PTPRD: variants seen among roughly 807,000 people sequenced by gnomAD.
PTPRD encodes the protein protein tyrosine phosphatase receptor type D.
A neutral mutation model predicts 214.5 loss-of-function variants in PTPRD; 34 were observed. That is an observed-to-expected ratio of 0.16 (90% CI 0.12 to 0.21). PTPRD has a LOEUF of 0.21. Among genes scored for constraint, PTPRD ranks in the 10% least tolerant of loss-of-function variants. The pLI, the probability that PTPRD is intolerant of heterozygous loss-of-function variation, is 1.00. For missense variants in PTPRD, 2,545 were observed against 2,398.7 expected (o/e 1.06, Z -1.27); for synonymous variants, 1,128 against 845.7 (o/e 1.33, Z -5.79).
In PTPRD at chr9:10,584,351, A is replaced by G. The variant is rs570543294; in HGVS notation, c.-600+28047T>C. Among the ~76,000 whole-genome samples, 10 of 152,340 alleles carry G rather than the reference A, an allele frequency of 6.6e-5. No homozygotes were observed. The South Asian group carries it at 2.1e-3, about 32-fold the overall frequency. On this transcript the variant is annotated intron_variant, in intron 2 of 45. Coordinates refer to ENST00000381196, the MANE Select transcript of PTPRD (RefSeq NM_002839.4). ...GAGATGCACTTGTACAACACAGAAG[A>G]TAAACAGAATTATTTCTGACAATGG...
intron 3 of PTPRD, among the ~76,000 whole-genome samples, chr9:10,108,729 T>C (rs1184288758): frequency 6.6e-6 from 1 of 152,032 alleles, no homozygotes; most frequent in African/African-American, 2.4e-5. Flanking sequence ...TGTATATCAG[T>C]GAATGAATGG....
chr9:8,688,392 C>T (rs1488217476), intron 12 of PTPRD, among the ~76,000 whole-genome samples: 1 of 151,788 alleles, frequency 6.6e-6, no homozygotes, highest in Non-Finnish European at 1.5e-5. Flanking sequence ...TGGTGAAACC[C>T]CGTCTCTACT....
intron 5 of PTPRD, among the ~76,000 whole-genome samples, chr9:9,794,883 G>A (rs1377405373): frequency 6.6e-6 from 1 of 152,178 alleles, no homozygotes; most frequent in Non-Finnish European, 1.5e-5. Context: ...ATAAATTGAA[G>A]GGAAGAGAAC....
intron 3 of PTPRD, among the ~76,000 whole-genome samples, chr9:10,048,832 C>T (rs997966808): frequency 1.3e-5 from 2 of 151,922 alleles, no homozygotes; most frequent in Non-Finnish European, 2.9e-5. Flanking sequence ...TTCATAGTAA[C>T]TTAAATGGTA....
In PTPRD at chr9:8,474,338, C is replaced by T. The variant is rs141782284; in HGVS notation, c.3414-3253G>A. On this transcript the variant is annotated intron_variant, in intron 30 of 45. Coordinates refer to ENST00000381196, the MANE Select transcript of PTPRD (RefSeq NM_002839.4). ...GGGGTTCATGGCCTTCTTTTTTCTC[C>T]AAACTCTGTCATCATCCTGGGTGAT... is the stretch of plus-strand genomic sequence containing the variant. 5.1e-3 allele frequency among the ~76,000 whole-genome samples: 780 copies of T among 152,132 alleles called. 4 individuals carry two copies. The highest frequency in any genetic ancestry group is 8.5e-3 in the Non-Finnish European group (578 of 67,994).
At chr9:10,472,943 T>C (rs1402914040) in intron 2 of PTPRD, among the ~76,000 whole-genome samples, 1 of 152,018 alleles carries the variant, frequency 6.6e-6, no homozygotes, top group African/African-American at 2.4e-5. Flanking sequence ...AGAGATTATA[T>C]TGCATATAAA....
At chr9:8,987,707 GCAC>G (rs2099351253) in intron 11 of PTPRD, among the ~76,000 whole-genome samples, 2 of 152,078 alleles carry the variant, frequency 1.3e-5, no homozygotes, top group South Asian at 2.1e-4. Flanking sequence ...AACACGGGTA[GCAC>G]CACATCAGCC....
chr9:8,835,590 C>A lies in PTPRD; in HGVS notation c.-103-101644G>T, dbSNP rs2097401045. On this transcript the variant is annotated intron_variant, in intron 11 of 45. Coordinates refer to ENST00000381196, the MANE Select transcript of PTPRD (RefSeq NM_002839.4). ...TGTCACTCAAGCTGGAGTGCAGTGG[C>A]ACAATCATGGTTCACTGCAGCCTCA... Among the ~76,000 whole-genome samples the A allele has an allele frequency of 2.6e-5, 4 of 152,296 alleles. No homozygotes were observed. The South Asian group carries it at 8.3e-4, about 32-fold the overall frequency.
At chr9:9,159,151 C>T (rs2099884054) in intron 10 of PTPRD, among the ~76,000 whole-genome samples, 1 of 152,080 alleles carries the variant, frequency 6.6e-6, no homozygotes, top group African/African-American at 2.4e-5. Context: ...AGGGACAAGA[C>T]AAGAATGCCA....
At chr9:8,726,429 A>T (rs2098558386) in intron 12 of PTPRD, among the ~76,000 whole-genome samples, 2 of 150,576 alleles carry the variant, frequency 1.3e-5, no homozygotes, top group Admixed American at 6.6e-5. Context: ...TCTACAAAAA[A>T]ATATAAAAAT....
intron 7 of PTPRD, among the ~76,000 whole-genome samples, chr9:9,685,324 C>T (rs922410368): frequency 2.0e-5 from 3 of 150,586 alleles, no homozygotes; most frequent in African/African-American, 4.9e-5. Flanking sequence ...AAATGGAATC[C>T]ACATATATGC....
intron 4 of PTPRD, among the ~76,000 whole-genome samples, chr9:9,949,862 A>T (rs1443263648): frequency 6.6e-6 from 1 of 152,174 alleles, no homozygotes; most frequent in Non-Finnish European, 1.5e-5. Flanking sequence ...TGAATCTTTG[A>T]TGACCGCATT....
chr9:8,717,255 G>C (rs192512237), intron 12 of PTPRD, among the ~76,000 whole-genome samples: 3 of 152,248 alleles, frequency 2.0e-5, no homozygotes, highest in East Asian at 1.9e-4. Flanking sequence ...AGGTGTGTTG[G>C]GGGGAGAAGC....
chr9:9,257,124 C>T (rs1208535317), intron 9 of PTPRD, among the ~76,000 whole-genome samples: 1 of 151,654 alleles, frequency 6.6e-6, no homozygotes, highest in Non-Finnish European at 1.5e-5. Flanking sequence ...TGAAAGGGCA[C>T]CTAGAGATGA....
At chr9:8,669,002 G>C (rs2097222921) in intron 12 of PTPRD, among the ~76,000 whole-genome samples, 1 of 152,080 alleles carries the variant, frequency 6.6e-6, no homozygotes, top group South Asian at 2.1e-4. Context: ...GATCAAAGAG[G>C]AGCACTGAAC....
intron 3 of PTPRD, among the ~76,000 whole-genome samples, chr9:10,279,530 T>C (rs974552390): frequency 1.3e-5 from 2 of 152,142 alleles, no homozygotes; most frequent in Non-Finnish European, 2.9e-5. Flanking sequence ...ATCATTTCAC[T>C]GATAAAACTT....
rs995401453 is a variant in PTPRD, at chr9:8,664,283, C to T, written c.65-27439G>A. 2.6e-5 allele frequency among the ~76,000 whole-genome samples: 4 copies of T among 152,282 alleles called. No homozygotes were observed. The South Asian group carries it at 8.3e-4, about 32-fold the overall frequency. On this transcript the variant is annotated intron_variant, in intron 12 of 45. Coordinates refer to ENST00000381196, the MANE Select transcript of PTPRD (RefSeq NM_002839.4). The stretch of plus-strand genomic sequence containing the variant: ...TCATATTCCTTCTCATTTCTCATCA[C>T]CATCATGTGTATCTATCAACTCTTC...
chr9:9,924,953 T>C (rs774851951), intron 5 of PTPRD, among the ~76,000 whole-genome samples: 7 of 152,142 alleles, frequency 4.6e-5, no homozygotes, highest in African/African-American at 1.4e-4. Context: ...GTGTTAGTAA[T>C]AGAATTTGTA....
At chr9:10,040,767 T>A (rs541762216) in intron 3 of PTPRD, among the ~76,000 whole-genome samples, 2 of 152,160 alleles carry the variant, frequency 1.3e-5, no homozygotes, top group Non-Finnish European at 2.9e-5. Flanking sequence ...AAATGCAAAA[T>A]TAAATTGAGC....
Sources: allele counts gnomAD v4.1 joint callset (sites outside exome capture counted in the v4.1 genomes callset), GRCh38; gene constraint gnomAD v4.1.1; transcripts MANE v1.5; gene names NCBI Gene and HGNC (gene_info 2026-07-23, HGNC 2026-07-21).